Variants in NPL observed in about 807,000 individuals in gnomAD.
The protein encoded by NPL is N-acetylneuraminate lyase.
NPL carries 32 observed loss-of-function variants against 41.1 expected under a neutral mutation model. That is an observed-to-expected ratio of 0.78 (90% CI 0.59 to 1.05). NPL has a LOEUF of 1.05. Among genes scored for constraint, NPL ranks in the 50% least tolerant of loss-of-function variants. NPL has a pLI of 0.00. For missense variants in NPL, 321 were observed against 378.4 expected, an observed-to-expected ratio of 0.85 and a Z score of 1.26; for synonymous variants, 128 against 134.9, an observed-to-expected ratio of 0.95 and a Z score of 0.35.
At chr1:182,796,166 C>T (rs201692978) in intron 3 of NPL, among the ~76,000 whole-genome samples, 1 of 103,248 alleles carries the variant, frequency 9.7e-6, no homozygotes, top group African/African-American at 3.6e-5. Flanking sequence ...GGTGTGAAAT[C>T]AAAAAAAAAA....
intron 12 of NPL, chr1:182,826,521 C>T (rs1220409130): frequency 6.6e-6 from 1 of 152,596 alleles, no homozygotes; most frequent in Non-Finnish European, 1.5e-5. Context: ...TCCTCCCTCT[C>T]CCCCAAGCAC....
rs762046199 is a variant in NPL at position 182,829,643 on chromosome 1, TC to T, written c.*737del. Reference sequence around the variant, plus strand: ...AAGTTTCAAAGAACCAAAGGACTCTTCCTCTGGGCACCACAAACTTCCCCTT... The same window carrying T: ...AAGTTTCAAAGAACCAAAGGACTCTTCTCTGGGCACCACAAACTTCCCCTT... On this transcript the variant is annotated 3_prime_UTR_variant, in exon 13 of 13. Coordinates refer to ENST00000367553, the MANE Select transcript of NPL (RefSeq NM_030769.3). 4.5e-6 allele frequency: 7 copies of T among 1,550,350 alleles called. No homozygotes were observed. In the South Asian group the frequency reaches 8.3e-5, roughly 18 times the overall value.
intron 3 of NPL, among the ~76,000 whole-genome samples, chr1:182,796,463 T>C (rs1666669947): frequency 6.6e-6 from 1 of 152,238 alleles, no homozygotes; most frequent in South Asian, 2.1e-4. Context: ...CCAGGTGACC[T>C]GCCATTGTGG....
intron 10 of NPL, among the ~76,000 whole-genome samples, chr1:182,821,707 T>C (rs536343457): frequency 6.6e-6 from 1 of 152,218 alleles, no homozygotes; most frequent in Non-Finnish European, 1.5e-5. Flanking sequence ...GATTTGCCCC[T>C]ATTTTCATGG....
At chr1:182,817,790 GAT>G (rs1290951045) in intron 8 of NPL, among the ~76,000 whole-genome samples, 1 of 152,254 alleles carries the variant, frequency 6.6e-6, no homozygotes, top group Non-Finnish European at 1.5e-5. Flanking sequence ...CATAGGGTAA[GAT>G]ATGTGAGAAG....
rs180929940 is a variant in NPL, at chr1:182,828,695, A to G, written c.779-29A>G. 1.9e-6 allele frequency: 3 copies of G among 1,614,096 alleles called. No individual in the cohort carries two copies. The highest frequency in any genetic ancestry group is 3.3e-5 in the Admixed American group (2 of 60,004). ...TGTGGAGAGATAGACGGTACCAGTC[A>G]TGTTTCCTCATTTGTTTTTCCCGTC... On this transcript the variant is annotated intron_variant, in intron 12 of 12. Transcript: ENST00000367553. This position sits in a 1 kb window ranked among gnomAD's most constrained non-coding sequence, Gnocchi z 4.0.
intron 6 of NPL, among the ~76,000 whole-genome samples, chr1:182,813,085 G>A (rs969310718): frequency 4.6e-5 from 7 of 151,352 alleles, no homozygotes; most frequent in Admixed American, 3.3e-4. Context: ...CCCAGGAGGC[G>A]GAGGTTGCAG....
chr1:182,805,723 T>C (rs1282206974), intron 4 of NPL, among the ~76,000 whole-genome samples: 1 of 152,126 alleles, frequency 6.6e-6, no homozygotes, highest in Non-Finnish European at 1.5e-5. Flanking sequence ...AAACTGTAAA[T>C]GGAGATAGTT....
In NPL at chr1:182,829,426, C is replaced by T; in HGVS notation, c.*518C>T. ...CAGCTCATTTGGCTGCTCAGTCTAA[C>T]TCTAGAATGGATGCTTTTGAATTCA... On this transcript the variant is annotated 3_prime_UTR_variant, in exon 13 of 13. Coordinates refer to ENST00000367553, the MANE Select transcript of NPL (RefSeq NM_030769.3). 1 of 1,416,156 alleles carries T rather than the reference C, an allele frequency of 7.1e-7. No homozygotes were observed. Among genetic ancestry groups the T allele is most frequent in the African/African-American group, 1.4e-5 (1 of 69,094 alleles). The allele number at this position is 1,416,156 out of a possible 1,614,324, so 87.7% of individuals were successfully genotyped here.
chr1:182,823,130 C>T (rs895295442), intron 11 of NPL, among the ~76,000 whole-genome samples: 4 of 152,068 alleles, frequency 2.6e-5, no homozygotes, highest in Admixed American at 6.6e-5. Flanking sequence ...GTCTGAGAGG[C>T]GTGAGGATTT....
chr1:182,822,069 T>A, intron 10 of NPL, 46 bp from the exon 11 acceptor site: 1 of 1,216,052 alleles, frequency 8.2e-7, no homozygotes, highest in Non-Finnish European at 1.2e-6. Context: ...TCTGGACCTT[T>A]CCTGTTGAGT....
At chr1:182,826,217 T>C in intron 12 of NPL, 1 of 250,860 alleles carries the variant, frequency 4.0e-6, no homozygotes, top group East Asian at 9.3e-5. Context: ...CAAGAGTATT[T>C]ACAATTTAAA....
chr1:182,794,395 TCAGGGTCTTGTGGC>T lies in NPL; in HGVS notation c.25_38del (p.Gln9CysfsTer8). 3.7e-6 allele frequency: 6 copies of T among 1,614,200 alleles called. No homozygotes were observed. Among genetic ancestry groups the T allele is most frequent in the Non-Finnish European group, 3.4e-6 (4 of 1,180,026 alleles). ...CAATGGCCTTCCCAAAGAAGAAACTTCAGGGTCTTGTGGCTGCAACCATCACGCCAATGACTGAG... is the reference window on the plus strand; with the variant it reads ...CAATGGCCTTCCCAAAGAAGAAACTTTGCAACCATCACGCCAATGACTGAG... On this transcript the variant is annotated frameshift_variant, in exon 3 of 13. Transcript: ENST00000367553. LOFTEE classifies it high-confidence loss of function.
At chr1:182,799,732 C>CA (rs556336661) in intron 3 of NPL, among the ~76,000 whole-genome samples, 7,160 of 60,480 alleles carry the variant, frequency 0.12, 437 homozygotes, top group Non-Finnish European at 0.2. Flanking sequence ...ACCCTGTCTC[C>CA]AAAAAAAAAA....
At chr1:182,826,203 C>T (rs895530991) in intron 12 of NPL, 1 of 275,514 alleles carries the variant, frequency 3.6e-6, no homozygotes, top group South Asian at 5.0e-5. Flanking sequence ...ACTGACAGCT[C>T]TCCCAAGAGT....
rs1362807001 is a variant in NPL at position 182,824,807 on chromosome 1, TAATAA to T, written c.739-966_739-962del. Among the ~76,000 whole-genome samples, 6 of 151,836 alleles carry T rather than the reference TAATAA, an allele frequency of 4.0e-5. No homozygotes were observed. In the East Asian group the frequency reaches 1.2e-3, roughly 29 times the overall value. On this transcript the variant is annotated intron_variant, in intron 11 of 12. Coordinates refer to ENST00000367553, the MANE Select transcript of NPL (RefSeq NM_030769.3). ...GCGAGACTCTGTCTCAAAAACATAA[TAATAA>T]AATAAAAATTAAAAGATGCATGAGG...
intron 7 of NPL, among the ~76,000 whole-genome samples, chr1:182,816,018 G>C (rs1390689466): frequency 2.0e-5 from 3 of 152,174 alleles, no homozygotes; most frequent in Admixed American, 2.0e-4. Context: ...TCATAGACTT[G>C]AATACACATC....
At chr1:182,796,403 A>G (rs1020340494) in intron 3 of NPL, among the ~76,000 whole-genome samples, 1 of 152,094 alleles carries the variant, frequency 6.6e-6, no homozygotes, top group Non-Finnish European at 1.5e-5. Context: ...TGTTTCTAAG[A>G]CATGAGATGG....
intron 11 of NPL, among the ~76,000 whole-genome samples, chr1:182,825,368 A>G (rs1344791436): frequency 6.6e-6 from 1 of 152,222 alleles, no homozygotes; most frequent in Non-Finnish European, 1.5e-5. Flanking sequence ...GGATCTAGAA[A>G]TTGATTCCCA....
Sources: gnomAD v4.1 joint callset for allele counts (sites outside exome capture counted in the v4.1 genomes callset) on GRCh38, gnomAD v4.1.1 for gene constraint, Gnocchi (gnomAD v3.1) non-coding constraint, MANE v1.5 for transcripts, NCBI Gene and HGNC (gene_info 2026-07-23, HGNC 2026-07-21) for gene names.